The following SDK1 variants were observed in gnomAD, a reference collection of about 807,000 sequenced individuals.
The protein encoded by SDK1 is protein sidekick-1.
Under a neutral mutation model 245.5 loss-of-function variants are expected in SDK1, and 157 were observed. That is an observed-to-expected ratio of 0.64 (90% CI 0.56 to 0.73). The LOEUF (loss-of-function observed/expected upper bound fraction) is 0.73. SDK1 is among the 30% of genes least tolerant of loss of function. The pLI is 0.00. For synonymous variants in SDK1, 1,647 were observed against 1,278.5 expected, an observed-to-expected ratio of 1.29 and a Z score of -6.15; for missense variants, 3,583 against 3,002.3, an observed-to-expected ratio of 1.19 and a Z score of -4.52.
At chr7:4,027,099 C>T (rs773328132) in intron 17 of SDK1, among the ~76,000 whole-genome samples, 2 of 152,194 alleles carry the variant, frequency 1.3e-5, no homozygotes, top group Non-Finnish European at 2.9e-5. Context: ...GCAGCTCCCC[C>T]ACTGGCTGCT....
chr7:4,068,845 C>A (rs148841578), intron 20 of SDK1, among the ~76,000 whole-genome samples: 22 of 152,166 alleles, frequency 1.4e-4, no homozygotes, highest in African/African-American at 5.1e-4. Context: ...CCTCAGCCTC[C>A]TGAAGAGCTG....
At chr7:4,222,344 G>A (rs1390920521) in intron 40 of SDK1, among the ~76,000 whole-genome samples, 5 of 152,108 alleles carry the variant, frequency 3.3e-5, no homozygotes. Context: ...ACCCAGCCTG[G>A]AGTGCAGTGG....
At chr7:3,923,805 C>T (rs77264702) in intron 5 of SDK1, among the ~76,000 whole-genome samples, 1,614 of 152,306 alleles carry the variant, frequency 0.011, 22 homozygotes, top group South Asian at 0.036. Context: ...TGCTCCTACC[C>T]GGAATTCTGA....
At chr7:3,681,541 T>A (rs1784101267) in intron 4 of SDK1, among the ~76,000 whole-genome samples, 1 of 152,228 alleles carries the variant, frequency 6.6e-6, no homozygotes, top group African/African-American at 2.4e-5. Flanking sequence ...TTTTTCAAAA[T>A]GATTTTCTTA....
chr7:3,338,335 C>CT (rs1483514112), intron 1 of SDK1: 2 of 505,054 alleles, frequency 4.0e-6, no homozygotes, highest in African/African-American at 3.9e-5. Flanking sequence ...ACTCAGCATG[C>CT]TGTTGGCATT....
chr7:3,756,764 G>T (rs80158891), intron 4 of SDK1, among the ~76,000 whole-genome samples: 1 of 152,006 alleles, frequency 6.6e-6, no homozygotes, highest in African/African-American at 2.4e-5. Flanking sequence ...TCTTTGGGTC[G>T]TGTCCCTATA....
intron 4 of SDK1, among the ~76,000 whole-genome samples, chr7:3,768,716 AT>A (rs942320206): frequency 1.6e-4 from 25 of 152,172 alleles, no homozygotes; most frequent in Non-Finnish European, 1.8e-4. Context: ...GTACACGTTT[AT>A]GCTCAACACT....
At chr7:3,925,275 G>C (rs1365211413) in intron 5 of SDK1, among the ~76,000 whole-genome samples, 1 of 152,194 alleles carries the variant, frequency 6.6e-6, no homozygotes, top group Non-Finnish European at 1.5e-5. Flanking sequence ...GATAAGCTGA[G>C]AACTCTTTGC....
intron 1 of SDK1, among the ~76,000 whole-genome samples, chr7:3,544,668 C>T (rs886615766): frequency 3.9e-5 from 6 of 152,208 alleles, no homozygotes; most frequent in Non-Finnish European, 7.3e-5. Flanking sequence ...ATTTTGTGAT[C>T]GCATTCTGAA....
At chr7:3,755,497 T>G (rs1779896009) in intron 4 of SDK1, among the ~76,000 whole-genome samples, 1 of 152,008 alleles carries the variant, frequency 6.6e-6, no homozygotes, top group South Asian at 2.1e-4. Flanking sequence ...TAAACTTGAG[T>G]GGGAAGTCTA....
chr7:3,416,053 G>A (rs1779357597), intron 1 of SDK1, among the ~76,000 whole-genome samples: 1 of 152,146 alleles, frequency 6.6e-6, no homozygotes, highest in South Asian at 2.1e-4. Flanking sequence ...AAATAAGCAG[G>A]ATAAAAGAGG....
intron 1 of SDK1, among the ~76,000 whole-genome samples, chr7:3,308,721 T>A (rs1779479623): frequency 6.6e-6 from 1 of 152,142 alleles, no homozygotes; most frequent in Non-Finnish European, 1.5e-5. Context: ...GACCCTGGGG[T>A]CCATATTATT....
intron 5 of SDK1, among the ~76,000 whole-genome samples, chr7:3,920,124 C>G (rs563988212): frequency 1.3e-5 from 2 of 152,276 alleles, no homozygotes; most frequent in East Asian, 3.9e-4. Flanking sequence ...GAGTTCACCC[C>G]CACCGGGTCG....
intron 19 of SDK1, among the ~76,000 whole-genome samples, chr7:4,060,407 A>G (rs912601742): frequency 6.6e-6 from 1 of 152,212 alleles, no homozygotes; most frequent in Non-Finnish European, 1.5e-5. Context: ...CTTAAAAACA[A>G]TACATGTGTT....
At chr7:3,745,126 G>C (rs1433754939) in intron 4 of SDK1, among the ~76,000 whole-genome samples, 3 of 152,174 alleles carry the variant, frequency 2.0e-5, no homozygotes, top group Non-Finnish European at 4.4e-5. Flanking sequence ...GGAATGTTTT[G>C]AACCCCGTGC....
At chr7:3,742,346 C>A (rs1429846173) in intron 4 of SDK1, among the ~76,000 whole-genome samples, 2 of 152,060 alleles carry the variant, frequency 1.3e-5, no homozygotes, top group African/African-American at 4.8e-5. Context: ...TTCCCGTCTG[C>A]CTGAAACATA....
intron 19 of SDK1, 67 bp from the exon 20 acceptor site, chr7:4,067,771 C>G: frequency 8.4e-7 from 1 of 1,190,162 alleles, no homozygotes; most frequent in Non-Finnish European, 1.2e-6. Context: ...AGAACCTTCC[C>G]CACACATCTG....
At chr7:4,252,188 C>T (rs572276580) in intron 44 of SDK1, among the ~76,000 whole-genome samples, 3 of 151,816 alleles carry the variant, frequency 2.0e-5, no homozygotes, top group African/African-American at 7.3e-5. Context: ...GGTATATCTC[C>T]TAATGCTATC....
intron 38 of SDK1, among the ~76,000 whole-genome samples, chr7:4,212,131 A>G (rs930316182): frequency 6.6e-6 from 1 of 152,248 alleles, no homozygotes; most frequent in Non-Finnish European, 1.5e-5. Flanking sequence ...CTGCGAGGAA[A>G]AAATACAACG....
Sources: allele counts gnomAD v4.1 joint callset (sites outside exome capture counted in the v4.1 genomes callset), GRCh38; gene constraint gnomAD v4.1.1; transcripts MANE v1.5; gene names NCBI Gene and HGNC (gene_info 2026-07-23, HGNC 2026-07-21).